Variants in ATP8B4 observed in about 807,000 individuals in gnomAD.
The protein encoded by ATP8B4 is ATPase phospholipid transporting 8B4 (putative).
In ATP8B4, 133 loss-of-function variants were observed where a neutral mutation model predicts 145.6. That is an observed-to-expected ratio of 0.91 (90% CI 0.79 to 1.05). The LOEUF is 1.05. ATP8B4 is among the 50% of genes least tolerant of loss of function. The pLI is 0.00. For synonymous variants in ATP8B4, 507 were observed against 492.9 expected (o/e 1.03, Z -0.38); for missense variants, 1,458 against 1,425.2 (o/e 1.02, Z -0.37).
intron 12 of ATP8B4, among the ~76,000 whole-genome samples, chr15:49,979,163 T>G (rs1163358828): frequency 6.6e-6 from 1 of 152,100 alleles, no homozygotes; most frequent in African/African-American, 2.4e-5. Flanking sequence ...ATGAGGGAAC[T>G]GAGGCACTAG....
intron 5 of ATP8B4, among the ~76,000 whole-genome samples, chr15:50,043,439 T>A (rs1474023534): frequency 6.6e-6 from 1 of 152,076 alleles, no homozygotes; most frequent in Non-Finnish European, 1.5e-5. Flanking sequence ...CTATATTGAG[T>A]GTGCTTGCTC....
At chr15:50,103,192 G>A (rs972575956) in intron 2 of ATP8B4, among the ~76,000 whole-genome samples, 17 of 152,074 alleles carry the variant, frequency 1.1e-4, no homozygotes, top group African/African-American at 4.1e-4. Context: ...ACAAGACAAG[G>A]ATGCCCATTT....
rs1480043687 is a variant in ATP8B4, at chr15:49,876,322, C to T, written c.2983G>A (p.Ala995Thr). The T allele has an allele frequency of 6.2e-7, 1 of 1,614,092 alleles. No individual in the cohort carries two copies. The highest frequency in any genetic ancestry group is 1.3e-5 in the African/African-American group (1 of 75,054). The stretch of plus-strand genomic sequence containing the variant: ...ACCAAAGATGTGGCCATGGTAACTG[C>T]AAAGGACTGGTAGTCAGCAATATGT... ...GQHIADYQSFAVTMATSLVIV... is the reference protein window; with the variant it reads ...GQHIADYQSFTVTMATSLVIV... The change falls in exon 25 of 28, where the codon GCA becomes ACA. Residue 995 changes from alanine (A) to threonine (T), a missense_variant. Coordinates refer to ENST00000284509, the MANE Select transcript of ATP8B4 (RefSeq NM_024837.4).
intron 2 of ATP8B4, among the ~76,000 whole-genome samples, chr15:50,098,102 T>C (rs4775851): frequency 0.27 from 41,470 of 151,894 alleles, 6,659 homozygotes; most frequent in Middle Eastern, 0.45. Context: ...CAGAGCCTTG[T>C]AAACCATCAC....
intron 2 of ATP8B4, among the ~76,000 whole-genome samples, chr15:50,085,423 T>A (rs145501760): frequency 1.7e-3 from 266 of 152,276 alleles, no homozygotes; most frequent in African/African-American, 6.2e-3. Flanking sequence ...TGAGTTTGTG[T>A]TTCCTGGAGT....
At chr15:49,918,675 T>C (rs2039975429) in intron 19 of ATP8B4, among the ~76,000 whole-genome samples, 164 bp downstream of exon 19, 2 of 152,252 alleles carry the variant, frequency 1.3e-5, no homozygotes, top group African/African-American at 4.8e-5. Flanking sequence ...TGTTTTAAAA[T>C]AGATTCTTGC....
chr15:49,889,802 G>A (rs894566680), intron 23 of ATP8B4, among the ~76,000 whole-genome samples: 1 of 152,176 alleles, frequency 6.6e-6, no homozygotes, highest in Non-Finnish European at 1.5e-5. Flanking sequence ...AATTAAGCTG[G>A]TGTTTTAGAA....
intron 6 of ATP8B4, among the ~76,000 whole-genome samples, chr15:50,016,353 G>C (rs1408391329): frequency 2.6e-5 from 4 of 152,184 alleles, no homozygotes; most frequent in Non-Finnish European, 5.9e-5. Flanking sequence ...AATTCCATCT[G>C]TTCTCCCTTA....
intron 2 of ATP8B4, among the ~76,000 whole-genome samples, chr15:50,074,461 A>C (rs1358658968): frequency 6.6e-6 from 1 of 152,214 alleles, no homozygotes; most frequent in Non-Finnish European, 1.5e-5. Context: ...AGCACCACAA[A>C]GACCCTTTCT....
rs1364203277 is a variant in ATP8B4, at chr15:49,995,914, TCTTTC to T, written c.589+758_589+762del. ...TGCCTAAAATCCTACAATCAGTGTCTCTTTCCTTTGACTCTTGAAGTACTGTGTTT... is the reference window on the plus strand; with the variant it reads ...TGCCTAAAATCCTACAATCAGTGTCTCTTTGACTCTTGAAGTACTGTGTTT... On this transcript the variant is annotated intron_variant, in intron 9 of 27. Transcript: ENST00000284509. 7.2e-5 allele frequency among the ~76,000 whole-genome samples: 11 copies of T among 152,244 alleles called. No homozygotes were observed. The East Asian group carries it at 2.1e-3, about 29-fold the overall frequency.
chr15:49,969,670 C>T (rs1007317862), intron 13 of ATP8B4, among the ~76,000 whole-genome samples: 3 of 152,160 alleles, frequency 2.0e-5, no homozygotes, highest in African/African-American at 7.2e-5. Flanking sequence ...CAGAGAGATT[C>T]ACAGCTGAAA....
intron 16 of ATP8B4, among the ~76,000 whole-genome samples, chr15:49,926,565 A>G (rs958754742): frequency 3.3e-5 from 5 of 152,086 alleles, no homozygotes; most frequent in Non-Finnish European, 4.4e-5. Flanking sequence ...ACTCCTTGAC[A>G]TGACATATAG....
intron 2 of ATP8B4, among the ~76,000 whole-genome samples, chr15:50,087,561 C>A (rs1399516573): frequency 6.6e-6 from 1 of 150,922 alleles, no homozygotes; most frequent in Non-Finnish European, 1.5e-5. Flanking sequence ...ACATATTTTT[C>A]TTTTTTCATG....
At chr15:50,069,880 G>T (rs919978182) in intron 3 of ATP8B4, among the ~76,000 whole-genome samples, 5 of 152,112 alleles carry the variant, frequency 3.3e-5, no homozygotes, top group Non-Finnish European at 7.4e-5. Flanking sequence ...AGCAAGTTTT[G>T]TGGAAGCCTG....
intron 1 of ATP8B4, among the ~76,000 whole-genome samples, chr15:50,176,087 GTATATA>G (rs1006393585): frequency 6.6e-6 from 1 of 150,564 alleles, no homozygotes; most frequent in Non-Finnish European, 1.5e-5. Flanking sequence ...ATACCACAGA[GTATATA>G]TATAGTGTGT....
At chr15:49,900,311 C>G (rs2037880790) in intron 21 of ATP8B4, among the ~76,000 whole-genome samples, 2 of 152,152 alleles carry the variant, frequency 1.3e-5, no homozygotes, top group African/African-American at 4.8e-5. Flanking sequence ...TATCCTCATA[C>G]CCAACTTCTT....
rs1209622868 is a variant in ATP8B4 at position 50,127,312 on chromosome 15, TC to T, written c.-42-20305del. Reference sequence around the variant, plus strand: ...TTCACTTTTCCTCACTGCAAATCAATCCCAGTGTTAGTATTTGGCTTTGCTG... The same window carrying T: ...TTCACTTTTCCTCACTGCAAATCAATCCAGTGTTAGTATTTGGCTTTGCTG... On this transcript the variant is annotated intron_variant, in intron 1 of 3. Coordinates refer to the ATP8B4 transcript ENST00000558829. Among the ~76,000 whole-genome samples the T allele has an allele frequency of 6.6e-5, 10 of 152,318 alleles. No individual in the cohort carries two copies. The South Asian group carries it at 1.2e-3, about 19-fold the overall frequency.
chr15:50,094,389 T>G (rs1440416361), intron 2 of ATP8B4, among the ~76,000 whole-genome samples: 2 of 152,062 alleles, frequency 1.3e-5, no homozygotes, highest in Non-Finnish European at 2.9e-5. Flanking sequence ...CCACTGGGTC[T>G]CCTGGGTCTC....
intron 25 of ATP8B4, among the ~76,000 whole-genome samples, chr15:49,871,069 C>A (rs1405515673): frequency 6.6e-6 from 1 of 152,230 alleles, no homozygotes; most frequent in Non-Finnish European, 1.5e-5. Flanking sequence ...GGGAGGTTCA[C>A]GTAGCTTTGG....
Sources: allele counts gnomAD v4.1 joint callset (sites outside exome capture counted in the v4.1 genomes callset), GRCh38; gene constraint gnomAD v4.1.1; transcripts MANE v1.5; gene names NCBI Gene and HGNC (gene_info 2026-07-23, HGNC 2026-07-21).